Variants in PTPN4 observed in about 807,000 individuals in gnomAD.
PTPN4 encodes tyrosine-protein phosphatase non-receptor type 4.
PTPN4 carries 49 observed loss-of-function variants against 135.5 expected under a neutral mutation model. The observed-to-expected ratio is 0.36, with a 90% confidence interval of 0.29 to 0.46. PTPN4 has a LOEUF of 0.46. Ranked by LOEUF, PTPN4 falls within the 20% of genes least tolerant of loss-of-function variation. The pLI is 1.00. For missense variants in PTPN4, 860 were observed against 1,101.0 expected, an observed-to-expected ratio of 0.78 and a Z score of 3.10; for synonymous variants, 333 against 369.9, an observed-to-expected ratio of 0.90 and a Z score of 1.14.
intron 26 of PTPN4, among the ~76,000 whole-genome samples, chr2:119,975,227 T>G (rs925834378): frequency 1.8e-4 from 27 of 152,244 alleles, no homozygotes; most frequent in African/African-American, 6.3e-4. Context: ...TCCTCCCATC[T>G]CCACCTCCCA....
intron 3 of PTPN4, among the ~76,000 whole-genome samples, chr2:119,873,169 G>T (rs532734231): frequency 1.4e-4 from 20 of 145,126 alleles, no homozygotes; most frequent in South Asian, 2.2e-4. Context: ...TTTTTTCTGG[G>T]TTTTTTTTTT....
chr2:119,926,953 T>G (rs1678833601), intron 13 of PTPN4, among the ~76,000 whole-genome samples: 1 of 152,128 alleles, frequency 6.6e-6, no homozygotes. Context: ...GTTGCTCCAC[T>G]TTTTTAAACA....
At chr2:119,850,066 G>A (rs759977917) in intron 2 of PTPN4, among the ~76,000 whole-genome samples, 21 of 152,162 alleles carry the variant, frequency 1.4e-4, no homozygotes, top group Non-Finnish European at 2.4e-4. Flanking sequence ...GTTATCTCTG[G>A]TAAACTAGCT....
At chr2:119,871,660 A>G (rs539193812) in intron 3 of PTPN4, among the ~76,000 whole-genome samples, 3 of 152,334 alleles carry the variant, frequency 2.0e-5, no homozygotes, top group African/African-American at 4.8e-5. Flanking sequence ...TGGAAGAGCC[A>G]TAATAAAGGA....
chr2:119,883,539 A>T (rs1417991895), intron 8 of PTPN4, among the ~76,000 whole-genome samples: 1 of 152,166 alleles, frequency 6.6e-6, no homozygotes, highest in Non-Finnish European at 1.5e-5. Flanking sequence ...TTGGTTCAGA[A>T]TTCAGTTGTG....
intron 3 of PTPN4, among the ~76,000 whole-genome samples, chr2:119,865,327 C>G (rs1019828981): frequency 3.9e-5 from 6 of 152,222 alleles, no homozygotes; most frequent in African/African-American, 1.4e-4. Context: ...TATAAAACAT[C>G]TGCTGTGAAT....
At chr2:119,962,048 A>C (rs931653475) in intron 23 of PTPN4, among the ~76,000 whole-genome samples, 3 of 152,250 alleles carry the variant, frequency 2.0e-5, no homozygotes, top group Non-Finnish European at 4.4e-5. Flanking sequence ...GGTATGGTAC[A>C]TGAATTACTT....
At chr2:119,838,857 A>C (rs1677337345) in intron 2 of PTPN4, among the ~76,000 whole-genome samples, 1 of 152,222 alleles carries the variant, frequency 6.6e-6, no homozygotes, top group African/African-American at 2.4e-5. Flanking sequence ...AACTAACCAA[A>C]TATGTATTGA....
At chr2:119,943,650 ATC>A (rs1679093584) in intron 15 of PTPN4, among the ~76,000 whole-genome samples, 1 of 127,552 alleles carries the variant, frequency 7.8e-6, no homozygotes, top group Non-Finnish European at 1.5e-5. Flanking sequence ...CAGTGGCGCG[ATC>A]TTGGCTCACT....
chr2:119,860,908 G>A (rs990901855), intron 2 of PTPN4, among the ~76,000 whole-genome samples: 1 of 152,050 alleles, frequency 6.6e-6, no homozygotes, highest in Admixed American at 6.6e-5. Flanking sequence ...GGGCGTGGTG[G>A]CATGCACCTA....
In PTPN4 at chr2:119,789,211, G is replaced by A. The variant is rs556944394; in HGVS notation, c.-17-20626G>A. Among the ~76,000 whole-genome samples, 25 of 151,792 alleles carry A rather than the reference G, an allele frequency of 1.6e-4. No individual in the cohort carries two copies. The South Asian group carries it at 3.5e-3, about 21-fold the overall frequency. On this transcript the variant is annotated intron_variant, in intron 1 of 26. Coordinates refer to ENST00000263708, the MANE Select transcript of PTPN4 (RefSeq NM_002830.4). ...TGAGCATCTTTTCATGTGTATATTG[G>A]CCACTTGTATATCTTCTTTGGAGAA...
intron 1 of PTPN4, among the ~76,000 whole-genome samples, chr2:119,767,907 A>C (rs777169029): frequency 6.6e-6 from 1 of 152,020 alleles, no homozygotes; most frequent in Non-Finnish European, 1.5e-5. Context: ...TTCCTTTTGT[A>C]ATTGGGAATT....
At chr2:119,889,689 G>C (rs186178889) in intron 9 of PTPN4, among the ~76,000 whole-genome samples, 123 of 151,918 alleles carry the variant, frequency 8.1e-4, no homozygotes, top group African/African-American at 2.7e-3. Context: ...GCTATTCCAG[G>C]TTTTTGAGAT....
At chr2:119,880,102 A>G (rs531993542) in intron 5 of PTPN4, 3 of 152,246 alleles carry the variant, frequency 2.0e-5, no homozygotes, top group East Asian at 1.9e-4. Flanking sequence ...AGGTGCTAGC[A>G]TCATTAGAAC....
At chr2:119,869,634 T>C (rs1247355298) in intron 3 of PTPN4, among the ~76,000 whole-genome samples, 1 of 152,144 alleles carries the variant, frequency 6.6e-6, no homozygotes, top group Non-Finnish European at 1.5e-5. Flanking sequence ...CCTCTGCCTG[T>C]GTAGGATTTG....
At chr2:119,949,806 A>G (rs1027065663) in intron 18 of PTPN4, among the ~76,000 whole-genome samples, 1 of 152,018 alleles carries the variant, frequency 6.6e-6, no homozygotes, top group Admixed American at 6.6e-5. Context: ...TCACACCACT[A>G]CACTCCAGCC....
At chr2:119,954,595 A>T (rs572891630) in intron 19 of PTPN4, among the ~76,000 whole-genome samples, 4 of 152,174 alleles carry the variant, frequency 2.6e-5, no homozygotes, top group Non-Finnish European at 5.9e-5. Flanking sequence ...ATGTTAAAAA[A>T]TGGGACTGAG....
chr2:119,798,525 T>C (rs1691304625), intron 1 of PTPN4, among the ~76,000 whole-genome samples: 1 of 152,210 alleles, frequency 6.6e-6, no homozygotes, highest in Admixed American at 6.5e-5. Flanking sequence ...TATTTGATCT[T>C]CTTTCCCCTT....
intron 2 of PTPN4, among the ~76,000 whole-genome samples, chr2:119,816,454 C>A (rs1037077082): frequency 6.6e-6 from 1 of 152,138 alleles, no homozygotes; most frequent in Non-Finnish European, 1.5e-5. Flanking sequence ...ACCTTTTTGG[C>A]ACCAGGAACC....
Sources: allele counts gnomAD v4.1 joint callset (sites outside exome capture counted in the v4.1 genomes callset), GRCh38; gene constraint gnomAD v4.1.1; transcripts MANE v1.5; gene names NCBI Gene and HGNC (gene_info 2026-07-23, HGNC 2026-07-21).